Variants in MED13 observed in about 807,000 individuals in gnomAD.
MED13 encodes the protein mediator complex subunit 13.
Under a neutral mutation model 225.2 loss-of-function variants are expected in MED13, and 23 were observed. The ratio of observed to expected loss-of-function variants is 0.10; its 90% confidence interval spans 0.07 to 0.14. The LOEUF is 0.14. Ranked by LOEUF, MED13 falls within the 10% of genes least tolerant of loss-of-function variation. The pLI is 1.00. For missense variants in MED13, 2,197 were observed against 2,594.5 expected (o/e 0.85, Z 3.33); for synonymous variants, 942 against 889.2 (o/e 1.06, Z -1.06).
chr17:62,035,673 CT>C, intron 3 of MED13, 65 bp from the exon 4 acceptor site: 1 of 1,483,966 alleles, frequency 6.7e-7, no homozygotes. Context: ...ACTTGCTTTT[CT>C]TTATTAGGAA....
intron 23 of MED13, 106 bp from the exon 24 acceptor site, chr17:61,956,587 G>T: frequency 8.9e-7 from 1 of 1,126,532 alleles, no homozygotes; most frequent in East Asian, 2.6e-5. Context: ...CAGGCTGGAT[G>T]GAGTGCAGTG....
intron 12 of MED13, among the ~76,000 whole-genome samples, chr17:61,986,122 TAGAG>T (rs1192958243): frequency 4.6e-5 from 7 of 152,282 alleles, no homozygotes; most frequent in Non-Finnish European, 8.8e-5. Flanking sequence ...GGAATGGTAG[TAGAG>T]AGAAAGTATG....
At chr17:61,986,204 G>A (rs2080246135) in intron 12 of MED13, among the ~76,000 whole-genome samples, 1 of 152,022 alleles carries the variant, frequency 6.6e-6, no homozygotes, top group South Asian at 2.1e-4. Context: ...TACATTATGG[G>A]ATACACAGTA....
chr17:61,971,275 CTT>C (rs758826223), intron 17 of MED13, among the ~76,000 whole-genome samples: 22 of 136,316 alleles, frequency 1.6e-4, no homozygotes, highest in Admixed American at 2.2e-4. Flanking sequence ...TAAATATCTA[CTT>C]TTTTTTTTTT....
At chr17:61,978,654 T>C (rs2080177785) in intron 16 of MED13, among the ~76,000 whole-genome samples, 1 of 151,980 alleles carries the variant, frequency 6.6e-6, no homozygotes, top group African/African-American at 2.4e-5. Flanking sequence ...TAGCAGGTAG[T>C]ATATAGTGCT....
intron 3 of MED13, among the ~76,000 whole-genome samples, chr17:62,050,322 C>T (rs1020780466): frequency 5.3e-5 from 8 of 150,138 alleles, no homozygotes; most frequent in African/African-American, 1.5e-4. Context: ...CATACCATTG[C>T]GCTCCAGCCT....
rs886071219 is a variant in MED13, at chr17:62,059,305, C to T, written c.301+3762G>A. The stretch of plus-strand genomic sequence containing the variant: ...CAAAGGCAATTCTGTATTTCTGTTA[C>T]TGAATATTCCAGTTAAGAAAAACTG... On this transcript the variant is annotated intron_variant, in intron 2 of 29. Coordinates refer to ENST00000397786, the MANE Select transcript of MED13 (RefSeq NM_005121.3). Among the ~76,000 whole-genome samples, 9 of 152,198 alleles carry T rather than the reference C, an allele frequency of 5.9e-5. 1 individual carries two copies. The highest frequency in any genetic ancestry group is 1.2e-4 in the African/African-American group (5 of 41,436).
At chr17:61,981,137 C>T (rs1177483738) in intron 16 of MED13, among the ~76,000 whole-genome samples, 1 of 152,090 alleles carries the variant, frequency 6.6e-6, no homozygotes, top group African/African-American at 2.4e-5. Context: ...ATTATCCTGC[C>T]TTAGCCTCCC....
chr17:61,993,981 T>G (rs2080325938), intron 10 of MED13, among the ~76,000 whole-genome samples: 1 of 151,128 alleles, frequency 6.6e-6, no homozygotes, highest in African/African-American at 2.4e-5. Context: ...TATTGGATCC[T>G]TTTCATAACT....
chr17:61,984,211 A>G lies in MED13; in HGVS notation c.2848T>C (p.Leu950=). The G allele has an allele frequency of 6.2e-7, 1 of 1,602,904 alleles. No individual in the cohort carries two copies. The highest frequency in any genetic ancestry group is 8.5e-7 in the Non-Finnish European group (1 of 1,175,868). Residue 950 remains leucine, a synonymous_variant, in exon 15 of 30, where the codon TTG becomes CTG. Transcript: ENST00000397786. ...GGCATTGAAGGCCCTGAAGAAAGCA[A>G]TTCCAATTTTCCAACAGTCCAACTC... ...RQSWTVGKLE[L]LSSGPSMPFI... is the part of the protein sequence containing the mutation.
intron 16 of MED13, among the ~76,000 whole-genome samples, chr17:61,974,201 TAGG>T (rs1270408951): frequency 6.6e-6 from 1 of 151,860 alleles, no homozygotes; most frequent in Non-Finnish European, 1.5e-5. Flanking sequence ...TGCTCGAGCT[TAGG>T]AGGTCACAGG....
intron 23 of MED13, among the ~76,000 whole-genome samples, chr17:61,958,346 T>C (rs1485465295): frequency 3.9e-5 from 6 of 151,998 alleles, no homozygotes; most frequent in African/African-American, 2.4e-5. Context: ...TTTTGTTTTT[T>C]GGTTATTTTT....
chr17:62,021,727 T>G (rs2143642150), intron 8 of MED13, among the ~76,000 whole-genome samples: 1 of 152,362 alleles, frequency 6.6e-6, no homozygotes, highest in South Asian at 2.1e-4. Flanking sequence ...CAACATTTTC[T>G]ATATGCAAAA....
chr17:61,946,622 T>C, intron 29 of MED13, 22 bp from the exon 30 acceptor site: 1 of 1,604,306 alleles, frequency 6.2e-7, no homozygotes, highest in Non-Finnish European at 8.5e-7. Flanking sequence ...ATAAACTGCA[T>C]AAGTCATTTA....
intron 3 of MED13, among the ~76,000 whole-genome samples, chr17:62,039,365 C>T (rs2143706556): frequency 6.6e-6 from 1 of 152,196 alleles, no homozygotes. Context: ...TCACTGCAGC[C>T]TCCACTTCCC....
At chr17:62,055,055 G>C (rs780975992) in intron 2 of MED13, among the ~76,000 whole-genome samples, 2 of 152,154 alleles carry the variant, frequency 1.3e-5, no homozygotes, top group Non-Finnish European at 2.9e-5. Flanking sequence ...AAAAAAATCT[G>C]CTTTCTGGGA....
At chr17:61,960,806 T>C in intron 23 of MED13, 61 bp downstream of exon 23, 1 of 1,255,360 alleles carries the variant, frequency 8.0e-7, no homozygotes, top group Non-Finnish European at 1.1e-6. Flanking sequence ...TTCTATTCAT[T>C]AAAAATGAAA....
intron 17 of MED13, among the ~76,000 whole-genome samples, chr17:61,970,768 TAA>T (rs2080101221): frequency 6.8e-6 from 1 of 146,846 alleles, no homozygotes; most frequent in African/African-American, 2.5e-5. Context: ...TGGGTGCTTA[TAA>T]TCCTAGCCCT....
chr17:62,018,812 T>C (rs2080608402), intron 8 of MED13, among the ~76,000 whole-genome samples: 1 of 152,214 alleles, frequency 6.6e-6, no homozygotes, highest in Admixed American at 6.5e-5. Context: ...GATTTTGTTA[T>C]CTGTGAGGGT....
Sources: allele counts gnomAD v4.1 joint callset (sites outside exome capture counted in the v4.1 genomes callset), GRCh38; gene constraint gnomAD v4.1.1; transcripts MANE v1.5; gene names NCBI Gene and HGNC (gene_info 2026-07-23, HGNC 2026-07-21).